Variants in CCDC102B observed in about 807,000 individuals in gnomAD.
CCDC102B encodes coiled-coil domain containing 102B, also known as coiled-coil domain-containing protein 102B.
CCDC102B carries 75 observed loss-of-function variants against 57.4 expected under a neutral mutation model. The ratio of observed to expected loss-of-function variants is 1.31; its 90% confidence interval spans 1.08 to 1.58. CCDC102B has a LOEUF of 1.58. Ranked by LOEUF, CCDC102B falls within the 40% of genes most tolerant of loss-of-function variation. The probability of loss-of-function intolerance (pLI) is 0.00; values close to 1 mark genes in which losing one functional copy is unlikely to be tolerated. For missense variants in CCDC102B, 636 were observed against 582.6 expected (o/e 1.09, Z -0.94); for synonymous variants, 206 against 201.9 (o/e 1.02, Z -0.17).
chr18:68,737,068 C>T (rs1373567774), intron 2 of CCDC102B, among the ~76,000 whole-genome samples: 1 of 151,880 alleles, frequency 6.6e-6, no homozygotes, highest in Admixed American at 6.6e-5. Context: ...ATTGGCTATA[C>T]TCTGCCCTCA....
intron 2 of CCDC102B, among the ~76,000 whole-genome samples, chr18:68,783,587 T>C (rs114284199): frequency 3.2e-3 from 490 of 152,296 alleles, no homozygotes; most frequent in African/African-American, 0.011. Flanking sequence ...CCAGATACTT[T>C]GGGAAGACTG....
chr18:69,053,304 T>C (rs2052753068), intron 7 of CCDC102B, among the ~76,000 whole-genome samples: 2 of 147,804 alleles, frequency 1.4e-5, no homozygotes, highest in Admixed American at 1.4e-4. Context: ...TTTTCAATAA[T>C]ATATATAAAT....
chr18:68,760,979 G>A (rs1310370285), intron 2 of CCDC102B, among the ~76,000 whole-genome samples: 1 of 151,972 alleles, frequency 6.6e-6, no homozygotes. Flanking sequence ...CTCTTTTGCA[G>A]CAAAGTAAAG....
rs2051927009 is a variant in CCDC102B at position 69,024,345 on chromosome 18, A to G, written c.1434+13241A>G. On this transcript the variant is annotated intron_variant, in intron 7 of 7. Coordinates refer to ENST00000360242, the MANE Select transcript of CCDC102B (RefSeq NM_024781.3). ...CAGAAGTAATGATTACTTATATTTC[A>G]ACACTCAGAGTTCTAAGGCTGTGAA... 3.3e-5 allele frequency among the ~76,000 whole-genome samples: 5 copies of G among 152,052 alleles called. No individual in the cohort carries two copies. The South Asian group carries it at 1.0e-3, about 31-fold the overall frequency.
At position 69,022,531 on chromosome 18, in the gene CCDC102B, A is replaced by AT. The variant is rs1039280796; in HGVS notation, c.1434+11436dup. On this transcript the variant is annotated intron_variant, in intron 7 of 7. Transcript: ENST00000360242. Reference sequence around the variant, plus strand: ...TTGCAACTACTCAGCAAAGAGCAATATTTTTTTTTCCTTCTTTTTTACCTC... The same window carrying AT: ...TTGCAACTACTCAGCAAAGAGCAATATTTTTTTTTTCCTTCTTTTTTACCTC... 6.7e-5 allele frequency among the ~76,000 whole-genome samples: 10 copies of AT among 149,782 alleles called. No individual in the cohort carries two copies. In the East Asian group the frequency reaches 9.7e-4, roughly 15 times the overall value.
At chr18:68,967,547 TTACAA>T (rs2050195892) in intron 6 of CCDC102B, among the ~76,000 whole-genome samples, 1 of 152,170 alleles carries the variant, frequency 6.6e-6, no homozygotes, top group Non-Finnish European at 1.5e-5. Context: ...AATTGTTTGA[TTACAA>T]TACATGTTAG....
At chr18:68,919,393 A>G (rs1372889771) in intron 6 of CCDC102B, among the ~76,000 whole-genome samples, 2 of 152,082 alleles carry the variant, frequency 1.3e-5, no homozygotes, top group Non-Finnish European at 2.9e-5. Flanking sequence ...TATCGTTTTT[A>G]TATTTCTTAT....
chr18:68,919,120 A>C (rs1048346545), intron 6 of CCDC102B, among the ~76,000 whole-genome samples: 1 of 151,994 alleles, frequency 6.6e-6, no homozygotes, highest in African/African-American at 2.4e-5. Flanking sequence ...TATTTTGGAA[A>C]GATGTATTCT....
At chr18:68,769,338 C>T (rs1182939813) in intron 2 of CCDC102B, among the ~76,000 whole-genome samples, 2 of 151,940 alleles carry the variant, frequency 1.3e-5, no homozygotes, top group Admixed American at 6.6e-5. Context: ...TAAGTATGCT[C>T]TTCCCATCAG....
chr18:68,802,683 T>C (rs2035897802), intron 1 of CCDC102B, among the ~76,000 whole-genome samples: 1 of 152,206 alleles, frequency 6.6e-6, no homozygotes, highest in African/African-American at 2.4e-5. Context: ...TGGCCGTCAT[T>C]GTTTCCTCTG....
At chr18:68,922,076 G>T (rs1366907593) in intron 6 of CCDC102B, among the ~76,000 whole-genome samples, 2 of 152,096 alleles carry the variant, frequency 1.3e-5, no homozygotes, top group Non-Finnish European at 2.9e-5. Flanking sequence ...ATTGATCTCA[G>T]CCATGCACAC....
intron 4 of CCDC102B, among the ~76,000 whole-genome samples, chr18:68,867,787 A>AT (rs1568299893): frequency 2.6e-5 from 1 of 38,318 alleles, no homozygotes; most frequent in Admixed American, 2.5e-4. Flanking sequence ...ACAAAAAATT[A>AT]GTCAGGAGTG....
At chr18:68,962,626 A>G (rs2050073124) in intron 6 of CCDC102B, among the ~76,000 whole-genome samples, 1 of 152,084 alleles carries the variant, frequency 6.6e-6, no homozygotes, top group Admixed American at 6.6e-5. Context: ...TGTAGTAGCA[A>G]CCAAGAAAAG....
intron 7 of CCDC102B, among the ~76,000 whole-genome samples, chr18:69,021,119 C>T (rs1000861859): frequency 5.9e-5 from 9 of 152,166 alleles, no homozygotes; most frequent in Non-Finnish European, 7.4e-5. Context: ...CTGATATCAT[C>T]GGCAATGATG....
At chr18:68,750,161 G>T (rs545275850) in intron 2 of CCDC102B, among the ~76,000 whole-genome samples, 1 of 152,178 alleles carries the variant, frequency 6.6e-6, no homozygotes, top group Admixed American at 6.5e-5. Flanking sequence ...CATTTGTGCA[G>T]CCAACAGACA....
At chr18:68,836,422 G>A (rs141680885) in intron 1 of CCDC102B, among the ~76,000 whole-genome samples, 15,821 of 152,082 alleles carry the variant, frequency 0.1, 1,033 homozygotes, top group East Asian at 0.33. Flanking sequence ...GAGGTCAGGA[G>A]ATCGAGACCA....
At chr18:68,817,862 A>G (rs774474049) in intron 1 of CCDC102B, among the ~76,000 whole-genome samples, 2 of 152,192 alleles carry the variant, frequency 1.3e-5, no homozygotes, top group East Asian at 1.9e-4. Flanking sequence ...TGTTTTGATG[A>G]GTATTAACTT....
rs1568292605 is a variant in CCDC102B at position 68,857,264 on chromosome 18, T to TTATATAA, written c.936+10843_936+10844insTATATAA. On this transcript the variant is annotated intron_variant, in intron 4 of 7. Coordinates refer to ENST00000360242, the MANE Select transcript of CCDC102B (RefSeq NM_024781.3). ...AATATATATTTATTATTTAAATATA[T>TTATATAA]AAATATATATATAATATATATTTAT... 2.2e-3 allele frequency among the ~76,000 whole-genome samples: 55 copies of TTATATAA among 24,966 alleles called. 1 individual carries two copies. The highest frequency in any genetic ancestry group is 6.1e-3 in the Non-Finnish European group (47 of 7,748). 16.4% of individuals were successfully genotyped at this position (24,966 alleles called of 152,430 possible). A position where few individuals can be genotyped will look rare whatever the true frequency, so the allele number is the denominator to read the frequency against.
At chr18:68,820,510 G>T (rs956754680) in intron 1 of CCDC102B, among the ~76,000 whole-genome samples, 6 of 152,024 alleles carry the variant, frequency 3.9e-5, no homozygotes, top group African/African-American at 1.4e-4. Context: ...TCCTGGTAAG[G>T]TCTTGTTATC....
Sources: allele counts gnomAD v4.1 joint callset (sites outside exome capture counted in the v4.1 genomes callset), GRCh38; gene constraint gnomAD v4.1.1; transcripts MANE v1.5; gene names NCBI Gene and HGNC (gene_info 2026-07-23, HGNC 2026-07-21).